The following DOCK10 variants were observed in gnomAD, a reference collection of about 807,000 sequenced individuals.
DOCK10 encodes dedicator of cytokinesis 10.
Under a neutral mutation model 280.1 loss-of-function variants are expected in DOCK10, and 145 were observed. The observed-to-expected ratio is 0.52, with a 90% CI of 0.45 to 0.59. The LOEUF (loss-of-function observed/expected upper bound fraction) is 0.59, where lower values mean the gene tolerates loss of function less well. Among genes scored for constraint, DOCK10 ranks in the 20% least tolerant of loss-of-function variants. The probability of loss-of-function intolerance (pLI) is 0.00; values close to 1 mark genes in which losing one functional copy is unlikely to be tolerated. For missense variants in DOCK10, 2,368 were observed against 2,651.7 expected (o/e 0.89, Z 2.35); for synonymous variants, 915 against 942.2 (o/e 0.97, Z 0.53).
chr2:224,814,863 C>A (rs1694022014), intron 30 of DOCK10, among the ~76,000 whole-genome samples: 1 of 152,126 alleles, frequency 6.6e-6, no homozygotes, highest in Non-Finnish European at 1.5e-5. Context: ...CAGAATTATT[C>A]TAATTGTTAG....
Position 224,916,732 on chromosome 2 carries a change from T to A in DOCK10, c.296A>T (p.Asp99Val). ...IRTLYSTVPE[D>V]AEHKAENLLV... ...TAAATTTTCTGCCTTGTGCTCTGCA[T>A]CTTCAGGTACTGTTGAGTACAACGT... The change falls in exon 3 of 56, where the codon GAT (aspartate) becomes GTT (valine). Residue 99 changes from aspartate to valine, a missense_variant. This residue lies in a region of DOCK10 where 1,209 missense variants were observed against 1,250.9 expected (regional missense o/e 0.97). Coordinates refer to ENST00000258390, the MANE Select transcript of DOCK10 (RefSeq NM_014689.3). 1 of 1,611,624 alleles carries A rather than the reference T, an allele frequency of 6.2e-7. No individual in the cohort carries two copies. The highest frequency in any genetic ancestry group is 8.5e-7 in the Non-Finnish European group (1 of 1,178,828).
chr2:224,961,143 C>G (rs1259562103), intron 1 of DOCK10, among the ~76,000 whole-genome samples: 1 of 152,210 alleles, frequency 6.6e-6, no homozygotes, highest in African/African-American at 2.4e-5. Flanking sequence ...AACTCGGAAG[C>G]CTTGAGTAGC....
chr2:224,874,042 T>C lies in DOCK10; in HGVS notation c.1211A>G (p.Asn404Ser). Residue 404 changes from asparagine to serine, a missense_variant, in exon 11 of 56, where the codon AAT (asparagine) becomes AGT (serine). This residue lies in a region of DOCK10 where 1,209 missense variants were observed against 1,250.9 expected (regional missense o/e 0.97). Transcript: ENST00000258390. ...ATTCTCCGTAACACATCCCTGAAGA[T>C]TTGAGTTGAGGGCTTTACAGATGAT... ...IMIICKALNS[N>S]LQGCVTENEN... The C allele has an allele frequency of 6.2e-7, 1 of 1,613,504 alleles. No individual in the cohort carries two copies. The highest frequency in any genetic ancestry group is 2.2e-5 in the East Asian group (1 of 44,852).
intron 1 of DOCK10, among the ~76,000 whole-genome samples, chr2:224,967,350 G>A (rs566105218): frequency 2.0e-5 from 3 of 152,208 alleles, no homozygotes; most frequent in Middle Eastern, 3.4e-3. Flanking sequence ...AAAGTGCTGG[G>A]ATTACAGGCG....
At chr2:224,813,763 G>A (rs1351150407) in intron 31 of DOCK10, among the ~76,000 whole-genome samples, 1 of 152,164 alleles carries the variant, frequency 6.6e-6, no homozygotes, top group Non-Finnish European at 1.5e-5. Flanking sequence ...CAGAAGTTCA[G>A]GAGACTAAAA....
chr2:225,032,593 G>A (rs1690111608), intron 1 of DOCK10, among the ~76,000 whole-genome samples: 2 of 152,090 alleles, frequency 1.3e-5, no homozygotes, highest in African/African-American at 4.8e-5. Flanking sequence ...AAAAATAAAT[G>A]TCTTTAAATA....
At chr2:224,865,693 T>G (rs1697859299) in intron 11 of DOCK10, among the ~76,000 whole-genome samples, 1 of 152,190 alleles carries the variant, frequency 6.6e-6, no homozygotes, top group Non-Finnish European at 1.5e-5. Context: ...AGTTGATATC[T>G]TAGTTGAATT....
chr2:224,858,155 A>C (rs1193201726), intron 14 of DOCK10, among the ~76,000 whole-genome samples: 1 of 152,244 alleles, frequency 6.6e-6, no homozygotes, highest in East Asian at 1.9e-4. Context: ...TATGAAAGGA[A>C]GTTAAACTGA....
chr2:224,857,743 C>A (rs1215870006), intron 14 of DOCK10, among the ~76,000 whole-genome samples: 20 of 146,274 alleles, frequency 1.4e-4, no homozygotes, highest in South Asian at 4.3e-4. Context: ...AATGTGTGGT[C>A]AAAAAAAAAT....
At chr2:224,949,868 G>T (rs1228012658) in intron 1 of DOCK10, among the ~76,000 whole-genome samples, 1 of 152,194 alleles carries the variant, frequency 6.6e-6, no homozygotes, top group Admixed American at 6.5e-5. Context: ...TACATAGTAT[G>T]CATAACTATT....
In DOCK10 at chr2:224,913,929, G is replaced by A. The variant is rs186749531; in HGVS notation, c.333+2766C>T. On this transcript the variant is annotated intron_variant, in intron 3 of 55. Transcript: ENST00000258390. ...TTTTTTTTGTATTTTTAGTAGAGAC[G>A]GGGTTTCACCATGTTAGCCAGATGG... is the stretch of plus-strand genomic sequence containing the variant. Among the ~76,000 whole-genome samples, 300 of 151,958 alleles carry A rather than the reference G, an allele frequency of 2.0e-3. 1 individual carries two copies. Among genetic ancestry groups the A allele is most frequent in the Non-Finnish European group, 3.0e-3 (207 of 67,966 alleles).
At chr2:224,781,258 T>C (rs547479316) in intron 50 of DOCK10, among the ~76,000 whole-genome samples, 2 of 152,348 alleles carry the variant, frequency 1.3e-5, no homozygotes, top group African/African-American at 4.8e-5. Flanking sequence ...TGAAGCTCAT[T>C]ACAATATTTT....
chr2:225,004,490 T>A (rs1040077361), intron 1 of DOCK10, among the ~76,000 whole-genome samples: 59 of 152,256 alleles, frequency 3.9e-4, no homozygotes, highest in African/African-American at 1.4e-3. Context: ...ATAAGCCACT[T>A]AAGTTATGCT....
At chr2:224,969,187 C>A (rs976853996) in intron 1 of DOCK10, among the ~76,000 whole-genome samples, 1 of 152,252 alleles carries the variant, frequency 6.6e-6, no homozygotes, top group East Asian at 1.9e-4. Flanking sequence ...AATGGGGGTA[C>A]CAGATTTCTC....
chr2:224,983,910 T>C (rs1351419610), intron 1 of DOCK10: 1 of 470,084 alleles, frequency 2.1e-6, no homozygotes, highest in Non-Finnish European at 4.4e-6. Flanking sequence ...TAAACCATTT[T>C]TACTCTAAAC....
intron 1 of DOCK10, among the ~76,000 whole-genome samples, chr2:224,950,999 G>A (rs1390059835): frequency 6.6e-6 from 1 of 152,186 alleles, no homozygotes; most frequent in East Asian, 1.9e-4. Context: ...AGAGATGGAT[G>A]TAGGGCCTGG....
rs147869852 is a variant in DOCK10, at chr2:224,874,718, G to T, written c.965C>A (p.Thr322Lys). Residue 322 changes from threonine (T) to lysine (K), a missense_variant, in exon 9 of 56, where the codon ACG becomes AAG. Around this residue, in one of 2 missense-constraint regions of DOCK10, gnomAD observed 1,209 missense variants for 1,250.9 expected, o/e 0.97. Coordinates refer to ENST00000258390, the MANE Select transcript of DOCK10 (RefSeq NM_014689.3). ...CTCTGAAGAATCTGTTTCCTCTGGC[G>T]TGCATTCACAAGTTACAGAATTATC... ...SLDNSVTCEC[T>K]PEETDSSENN... is the part of the protein sequence containing the mutation. The T allele has an allele frequency of 1.2e-6, 2 of 1,613,902 alleles. No homozygotes were observed. The highest frequency in any genetic ancestry group is 1.3e-5 in the African/African-American group (1 of 75,046).
intron 3 of DOCK10, among the ~76,000 whole-genome samples, chr2:224,898,717 C>G (rs908832133): frequency 1.3e-5 from 2 of 152,164 alleles, no homozygotes; most frequent in African/African-American, 4.8e-5. Context: ...GCCAGGACTA[C>G]AGGTGCCCGC....
chr2:224,837,885 C>A, intron 24 of DOCK10, 54 bp from the exon 25 acceptor site: 9 of 1,386,022 alleles, frequency 6.5e-6, no homozygotes, highest in Non-Finnish European at 9.2e-6. Context: ...AAAAACCCCG[C>A]TTTAGTTTGT....
Sources: allele counts gnomAD v4.1 joint callset (sites outside exome capture counted in the v4.1 genomes callset), GRCh38; gene constraint gnomAD v4.1.1; regional missense constraint gnomAD v4.1.1; transcripts MANE v1.5; gene names NCBI Gene and HGNC (gene_info 2026-07-23, HGNC 2026-07-21).